The following GDPD4 variants were observed in gnomAD, a reference collection of about 807,000 sequenced individuals.
GDPD4 encodes the protein glycerophosphodiester phosphodiesterase 6.
A neutral mutation model predicts 67.8 loss-of-function variants in GDPD4; 60 were observed. The ratio of observed to expected loss-of-function variants is 0.88; its 90% CI spans 0.72 to 1.10. The LOEUF (loss-of-function observed/expected upper bound fraction) is 1.10. Ranked by LOEUF, GDPD4 falls within the 50% of genes least tolerant of loss-of-function variation. The probability of loss-of-function intolerance (pLI) is 0.00; values close to 1 mark genes in which losing one functional copy is unlikely to be tolerated. For missense variants in GDPD4, 623 were observed against 613.9 expected (o/e 1.01, Z -0.16); for synonymous variants, 212 against 210.9 (o/e 1.00, Z -0.04).
rs1276985326 is a variant in GDPD4, at chr11:77,255,300, C to T, written c.864+3086G>A. ...CCAAAAATAAGGCCAGGCACAGTGG[C>T]TCACATCTGTAATCCCAGCACTTTG... On this transcript the variant is annotated intron_variant, in intron 11 of 16. Transcript: ENST00000315938. Among the ~76,000 whole-genome samples the T allele has an allele frequency of 3.3e-5, 5 of 152,214 alleles. No individual in the cohort carries two copies. In the East Asian group the frequency reaches 9.6e-4, roughly 29 times the overall value.
At position 77,233,095 on chromosome 11, in the gene GDPD4, G is replaced by A. The variant is rs1287223546; in HGVS notation, c.1319C>T (p.Ser440Phe). The A allele has an allele frequency of 3.7e-6, 6 of 1,614,024 alleles. No individual in the cohort carries two copies. Among genetic ancestry groups the A allele is most frequent in the Non-Finnish European group, 5.1e-6 (6 of 1,179,902 alleles). The change falls in exon 14 of 17, where the codon TCC becomes TTC. Residue 440 changes from serine to phenylalanine, a missense_variant. Ser to Phe is a radical substitution (Grantham distance 155). Coordinates refer to ENST00000315938, the MANE Select transcript of GDPD4 (RefSeq NM_182833.3). ...EPWLFSLAWC[S>F]RINSVTTDNI... ...GTCTGTGGTCACTGAGTTAATCCTG[G>A]AGCACCAGGCCAGTGAGAAAAGCCA... is the stretch of plus-strand genomic sequence containing the variant.
chr11:77,225,759 G>A (rs945356624), intron 16 of GDPD4, among the ~76,000 whole-genome samples: 1 of 152,114 alleles, frequency 6.6e-6, no homozygotes, highest in Non-Finnish European at 1.5e-5. Flanking sequence ...ATCAGTAGGT[G>A]CAGCAGTACG....
chr11:77,241,678 C>G (rs1324541676), intron 13 of GDPD4, among the ~76,000 whole-genome samples: 1 of 140,418 alleles, frequency 7.1e-6, no homozygotes, highest in Non-Finnish European at 1.5e-5. Flanking sequence ...GGCACAGTGG[C>G]TCACACCTGT....
intron 4 of GDPD4, among the ~76,000 whole-genome samples, chr11:77,277,391 CTT>C (rs71043564): frequency 3.4e-4 from 20 of 58,340 alleles, no homozygotes; most frequent in Non-Finnish European, 4.6e-4. Context: ...GCCATGTTTC[CTT>C]TTTTTTTTTT....
In GDPD4 at chr11:77,268,877, C is replaced by T. The variant is rs182718540; in HGVS notation, c.624+47G>A. On this transcript the variant is annotated intron_variant, in intron 9 of 16. Coordinates refer to ENST00000315938, the MANE Select transcript of GDPD4 (RefSeq NM_182833.3). ...TCTCTTTTCTTCTCTTGACCACATACCCCACACATACTTATTTTCACCCAT... is the reference window on the plus strand; with the variant it reads ...TCTCTTTTCTTCTCTTGACCACATATCCCACACATACTTATTTTCACCCAT... 298 of 1,586,218 alleles carry T rather than the reference C, an allele frequency of 1.9e-4. No individual in the cohort carries two copies. In the East Asian group the frequency reaches 5.0e-3, roughly 27 times the overall value.
intron 11 of GDPD4, among the ~76,000 whole-genome samples, chr11:77,257,508 C>T (rs869194952): frequency 6.7e-6 from 1 of 149,472 alleles, no homozygotes; most frequent in African/African-American, 2.5e-5. Context: ...CTTCCTACCC[C>T]TCTTCCTTCC....
intron 14 of GDPD4, among the ~76,000 whole-genome samples, chr11:77,230,345 T>TTAA (rs1295917965): frequency 2.0e-5 from 3 of 152,216 alleles, no homozygotes; most frequent in Non-Finnish European, 4.4e-5. Flanking sequence ...GCTGCTTAAA[T>TTAA]TTGTGAGATC....
intron 11 of GDPD4, among the ~76,000 whole-genome samples, chr11:77,256,214 C>A (rs1439361710): frequency 1.3e-5 from 2 of 152,178 alleles, no homozygotes; most frequent in South Asian, 4.1e-4. Flanking sequence ...TTATATTATA[C>A]ATCAGATACA....
At chr11:77,238,250 G>A (rs994660015) in intron 13 of GDPD4, among the ~76,000 whole-genome samples, 74 of 152,246 alleles carry the variant, frequency 4.9e-4, no homozygotes, top group African/African-American at 1.7e-3. Context: ...ATTGCACAAC[G>A]ATGTAAATGT....
intron 11 of GDPD4, 107 bp downstream of exon 11, chr11:77,258,279 G>C: frequency 9.3e-7 from 1 of 1,073,084 alleles, no homozygotes; most frequent in Non-Finnish European, 1.4e-6. Flanking sequence ...GGATGAAATC[G>C]TGTGGATACT....
chr11:77,223,382 GTCCTTTCTGTTGATGCTAT>G (rs1394165180), intron 16 of GDPD4, among the ~76,000 whole-genome samples: 2 of 152,250 alleles, frequency 1.3e-5, no homozygotes, highest in South Asian at 4.2e-4. Context: ...GGTTATGGAT[GTCCTTTCTGTTGATGCTAT>G]TCCTTTCTGT....
chr11:77,223,745 G>A (rs1015769614), intron 16 of GDPD4, among the ~76,000 whole-genome samples: 8 of 152,194 alleles, frequency 5.3e-5, no homozygotes, highest in Non-Finnish European at 1.0e-4. Flanking sequence ...AGACAGGGAC[G>A]TTTTAGTCTG....
rs1442397080 is a variant in GDPD4, at chr11:77,264,464, A to C, written c.707+3993T>G. Among the ~76,000 whole-genome samples the C allele has an allele frequency of 3.9e-5, 6 of 152,172 alleles. No homozygotes were observed. In the East Asian group the frequency reaches 1.2e-3, roughly 29 times the overall value. ...CTTTAAAGGCAAGAAGGGAAGAAGG[A>C]GCCAGCAAAAGAAGTCACATAGGAA... On this transcript the variant is annotated intron_variant, in intron 10 of 16. Coordinates refer to ENST00000315938, the MANE Select transcript of GDPD4 (RefSeq NM_182833.3).
At chr11:77,252,305 C>A (rs1188357257) in intron 11 of GDPD4, among the ~76,000 whole-genome samples, 1 of 152,004 alleles carries the variant, frequency 6.6e-6, no homozygotes, top group Non-Finnish European at 1.5e-5. Context: ...CTCAGGTGAT[C>A]CAGCCGCCTC....
chr11:77,225,353 C>T (rs980289791), intron 16 of GDPD4, among the ~76,000 whole-genome samples: 14 of 150,208 alleles, frequency 9.3e-5, no homozygotes, highest in Admixed American at 7.3e-4. Context: ...TAACAAACAG[C>T]TGTGTAACTG....
intron 1 of GDPD4, among the ~76,000 whole-genome samples, chr11:77,294,817 T>C (rs1270913607): frequency 1.3e-5 from 2 of 152,214 alleles, no homozygotes; most frequent in East Asian, 3.9e-4. Context: ...AAACAGAATA[T>C]GGGTTCCAGA....
At chr11:77,301,463 AGAGGG>A (rs1938157302) in intron 1 of GDPD4, 137 bp downstream of exon 1, 1 of 152,150 alleles carries the variant, frequency 6.6e-6, no homozygotes, top group Admixed American at 6.5e-5. Flanking sequence ...GTAATCCTCG[AGAGGG>A]GACACAAACG....
chr11:77,283,851 ATTT>A (rs71272229), intron 3 of GDPD4, among the ~76,000 whole-genome samples: 6 of 124,516 alleles, frequency 4.8e-5, no homozygotes, highest in Non-Finnish European at 6.7e-5. Context: ...GACATAATGA[ATTT>A]TTTTTTTTTT....
chr11:77,251,859 T>C (rs772587022), intron 11 of GDPD4, among the ~76,000 whole-genome samples: 3 of 152,156 alleles, frequency 2.0e-5, no homozygotes, highest in Non-Finnish European at 4.4e-5. Context: ...TAGTGTCCTT[T>C]ATTGTAGGCT....
Sources: allele counts gnomAD v4.1 joint callset (sites outside exome capture counted in the v4.1 genomes callset), GRCh38; gene constraint gnomAD v4.1.1; transcripts MANE v1.5; gene names NCBI Gene and HGNC (gene_info 2026-07-23, HGNC 2026-07-21).